The following EYS variants were observed in gnomAD, a reference collection of about 807,000 sequenced individuals.
The protein encoded by EYS is protein eyes shut homolog.
A neutral mutation model predicts 282.1 loss-of-function variants in EYS; 250 were observed. The observed-to-expected ratio is 0.89, with a 90% CI of 0.80 to 0.98. EYS has a LOEUF of 0.98. EYS is among the 50% of genes least tolerant of loss of function. EYS has a pLI of 0.00. For missense variants in EYS, 4,016 were observed against 3,709.0 expected, an observed-to-expected ratio of 1.08 and a Z score of -2.15; for synonymous variants, 1,355 against 1,282.9, an observed-to-expected ratio of 1.06 and a Z score of -1.20.
intron 35 of EYS, among the ~76,000 whole-genome samples, chr6:63,959,780 C>A (rs1582034573): frequency 6.6e-6 from 1 of 152,160 alleles, no homozygotes; most frequent in Non-Finnish European, 1.5e-5. Flanking sequence ...CCAAACACCA[C>A]ATGTTCTCAC....
intron 22 of EYS, among the ~76,000 whole-genome samples, chr6:64,780,249 TAAG>T (rs1330710725): frequency 6.6e-6 from 1 of 152,150 alleles, no homozygotes; most frequent in Non-Finnish European, 1.5e-5. Flanking sequence ...ACACTAGTAA[TAAG>T]AGGCTGAAAT....
At chr6:64,092,603 G>GT (rs913360288) in intron 31 of EYS, among the ~76,000 whole-genome samples, 16 of 151,758 alleles carry the variant, frequency 1.1e-4, no homozygotes, top group African/African-American at 1.7e-4. Context: ...GGGGTTCTTT[G>GT]TTTTTTTTCT....
intron 32 of EYS, among the ~76,000 whole-genome samples, chr6:64,070,554 A>T (rs1771536945): frequency 6.6e-6 from 1 of 152,048 alleles, no homozygotes; most frequent in Non-Finnish European, 1.5e-5. Flanking sequence ...GCTGCCAAAT[A>T]GTCATGTCTG....
At chr6:65,463,028 C>T (rs1764873725) in intron 5 of EYS, among the ~76,000 whole-genome samples, 1 of 151,954 alleles carries the variant, frequency 6.6e-6, no homozygotes, top group South Asian at 2.1e-4. Flanking sequence ...GCTTCTATTC[C>T]TGCCCTCATC....
intron 31 of EYS, among the ~76,000 whole-genome samples, chr6:64,156,346 C>T (rs138400945): frequency 0.012 from 1,768 of 152,186 alleles, 36 homozygotes; most frequent in African/African-American, 0.04. Context: ...ATTCTGAGGC[C>T]TCCCCAGTCA....
intron 7 of EYS, 119 bp from the exon 8 acceptor site, chr6:65,384,619 T>G: frequency 1.6e-6 from 1 of 628,878 alleles, no homozygotes; most frequent in South Asian, 1.9e-5. Context: ...TATTAATCAT[T>G]TTTTAATACA....
intron 33 of EYS, among the ~76,000 whole-genome samples, chr6:64,009,771 C>T (rs6936438): frequency 0.4 from 61,359 of 151,936 alleles, 13,356 homozygotes; most frequent in African/African-American, 0.57. Flanking sequence ...GCTGGAAAAC[C>T]AGTTCAGTTT....
chr6:64,229,625 T>C (rs938283404), intron 31 of EYS, among the ~76,000 whole-genome samples: 7 of 152,160 alleles, frequency 4.6e-5, no homozygotes, highest in African/African-American at 9.7e-5. Context: ...TCTGTGCCTT[T>C]TACTATATTT....
chr6:65,653,417 G>A (rs62407739), intron 1 of EYS, among the ~76,000 whole-genome samples: 20,200 of 151,878 alleles, frequency 0.13, 1,521 homozygotes, highest in South Asian at 0.29. Flanking sequence ...CACCAAACAA[G>A]TTTGCCTAGC....
At chr6:63,851,860 A>T (rs1021011514) in intron 36 of EYS, among the ~76,000 whole-genome samples, 2 of 151,908 alleles carry the variant, frequency 1.3e-5, no homozygotes, top group Non-Finnish European at 2.9e-5. Context: ...AAAAACCCTT[A>T]AAAAATCAAT....
chr6:63,813,538 G>T (rs1413590082), intron 36 of EYS, among the ~76,000 whole-genome samples: 1 of 152,068 alleles, frequency 6.6e-6, no homozygotes, highest in Non-Finnish European at 1.5e-5. Context: ...ATTTTCTTAA[G>T]TGCATCAAAA....
At chr6:64,341,709 A>T (rs1006390596) in intron 29 of EYS, among the ~76,000 whole-genome samples, 1 of 151,646 alleles carries the variant, frequency 6.6e-6, no homozygotes, top group South Asian at 2.1e-4. Context: ...ATGTCATCCC[A>T]ACTACTCCCA....
intron 2 of EYS, among the ~76,000 whole-genome samples, chr6:65,606,274 A>G (rs930561218): frequency 6.6e-6 from 1 of 151,816 alleles, no homozygotes; most frequent in African/African-American, 2.4e-5. Context: ...CAAATGTGAA[A>G]TGATCACATC....
intron 22 of EYS, among the ~76,000 whole-genome samples, chr6:64,687,888 T>A (rs1770216213): frequency 6.6e-6 from 1 of 152,200 alleles, no homozygotes; most frequent in Non-Finnish European, 1.5e-5. Context: ...AATTATTGCC[T>A]CAATTTCAGA....
chr6:64,232,453 G>A (rs1036401499), intron 30 of EYS, among the ~76,000 whole-genome samples: 2 of 152,048 alleles, frequency 1.3e-5, no homozygotes, highest in Non-Finnish European at 2.9e-5. Flanking sequence ...GCAATGGTGC[G>A]ATCTCAGCTC....
At chr6:64,671,182 G>A (rs926566468) in intron 22 of EYS, among the ~76,000 whole-genome samples, 4 of 152,090 alleles carry the variant, frequency 2.6e-5, no homozygotes, top group African/African-American at 9.7e-5. Flanking sequence ...CATCTGCCAT[G>A]GTCTGAATGT....
chr6:64,942,642 C>A (rs552177979), intron 15 of EYS, among the ~76,000 whole-genome samples: 3 of 151,836 alleles, frequency 2.0e-5, no homozygotes, highest in African/African-American at 7.2e-5. Flanking sequence ...TACCTGGTAA[C>A]ACACCACCTC....
chr6:64,277,914 A>G (rs1043132508), intron 30 of EYS, among the ~76,000 whole-genome samples: 6 of 152,148 alleles, frequency 3.9e-5, no homozygotes, highest in African/African-American at 7.2e-5. Flanking sequence ...ATGATGAAAT[A>G]TATCAAGTCT....
At chr6:65,400,553 T>C (rs1766453635) in intron 7 of EYS, among the ~76,000 whole-genome samples, 1 of 151,956 alleles carries the variant, frequency 6.6e-6, no homozygotes, top group South Asian at 2.1e-4. Flanking sequence ...CTTTCAGTCT[T>C]CTAGGTGGTA....
Sources: allele counts gnomAD v4.1 joint callset (sites outside exome capture counted in the v4.1 genomes callset), GRCh38; gene constraint gnomAD v4.1.1; transcripts MANE v1.5; gene names NCBI Gene and HGNC (gene_info 2026-07-23, HGNC 2026-07-21).